Variants in ARHGAP10 observed in about 807,000 individuals in gnomAD.
ARHGAP10 encodes the protein Rho GTPase activating protein 10, also known as rho GTPase-activating protein 10.
In ARHGAP10, 87 loss-of-function variants were observed where a neutral mutation model predicts 108.6. The ratio of observed to expected loss-of-function variants is 0.80; its 90% CI spans 0.67 to 0.96. ARHGAP10 has a LOEUF of 0.96. Ranked by LOEUF, ARHGAP10 falls within the 40% of genes least tolerant of loss-of-function variation. The pLI is 0.00. For synonymous variants in ARHGAP10, 347 were observed against 341.1 expected (o/e 1.02, Z -0.19); for missense variants, 939 against 954.5 (o/e 0.98, Z 0.21).
intron 1 of ARHGAP10, among the ~76,000 whole-genome samples, chr4:147,814,140 C>G (rs1040430664): frequency 6.6e-6 from 1 of 152,202 alleles, no homozygotes; most frequent in Non-Finnish European, 1.5e-5. Flanking sequence ...GCCTCACCCT[C>G]TTTGTATTCG....
At chr4:147,840,544 C>T (rs1288795781) in intron 3 of ARHGAP10, among the ~76,000 whole-genome samples, 1 of 152,146 alleles carries the variant, frequency 6.6e-6, no homozygotes, top group Non-Finnish European at 1.5e-5. Flanking sequence ...GGGATGCAGT[C>T]GAGTGCTTAC....
chr4:148,029,361 C>T lies in ARHGAP10; in HGVS notation c.1867+5948C>T, dbSNP rs1016619516. On this transcript the variant is annotated intron_variant, in intron 19 of 22. Coordinates refer to ENST00000336498, the MANE Select transcript of ARHGAP10 (RefSeq NM_024605.4). ...AGCTCACATTCACGGCAGCGGTGCA[C>T]TCTGTAATCTCAGCTCCCAAGAGAG... is the stretch of plus-strand genomic sequence containing the variant. Among the ~76,000 whole-genome samples, 3 of 152,192 alleles carry T rather than the reference C, an allele frequency of 2.0e-5. No homozygotes were observed. The East Asian group carries it at 5.8e-4, about 29-fold the overall frequency.
intron 13 of ARHGAP10, among the ~76,000 whole-genome samples, chr4:147,930,461 C>T (rs1737633606): frequency 6.6e-6 from 1 of 152,136 alleles, no homozygotes; most frequent in African/African-American, 2.4e-5. Flanking sequence ...AAAACTGCCC[C>T]TGAAGCTGAA....
At chr4:148,028,114 G>C (rs933385689) in intron 19 of ARHGAP10, among the ~76,000 whole-genome samples, 7 of 152,198 alleles carry the variant, frequency 4.6e-5, no homozygotes, top group Non-Finnish European at 7.3e-5. Context: ...CTCTGAGGAA[G>C]GGAAGTCTGT....
At chr4:147,944,185 G>T (rs958945466) in intron 14 of ARHGAP10, among the ~76,000 whole-genome samples, 3 of 152,188 alleles carry the variant, frequency 2.0e-5, no homozygotes, top group South Asian at 2.1e-4. Flanking sequence ...CTTTAGAACA[G>T]AATTATTTAG....
rs28720862 is a variant in ARHGAP10, at chr4:147,991,999, C to G, written c.1716+25160C>G. On this transcript the variant is annotated intron_variant, in intron 18 of 22. Transcript: ENST00000336498. ...CATTCAAAAAGTGCAGGATTAACTT[C>G]AGTGTGGAGCCTGGGAATCCAGAAG... is the stretch of plus-strand genomic sequence containing the variant. Among the ~76,000 whole-genome samples the G allele has an allele frequency of 6.9e-3, 1,045 of 152,324 alleles. 13 individuals carry two copies. The highest frequency in any genetic ancestry group is 0.024 in the African/African-American group (989 of 41,572).
chr4:147,953,199 C>T (rs1159310461), intron 15 of ARHGAP10, among the ~76,000 whole-genome samples: 5 of 151,844 alleles, frequency 3.3e-5, no homozygotes, highest in African/African-American at 4.8e-5. Context: ...CATCTATGTT[C>T]ATGAGTGATA....
chr4:147,925,707 A>G (rs973058758), intron 13 of ARHGAP10, among the ~76,000 whole-genome samples: 1 of 152,212 alleles, frequency 6.6e-6, no homozygotes, highest in African/African-American at 2.4e-5. Flanking sequence ...CATGTTAACC[A>G]GTTATCCTGC....
chr4:147,880,716 TA>T (rs1474686832), intron 9 of ARHGAP10, among the ~76,000 whole-genome samples: 1 of 152,208 alleles, frequency 6.6e-6, no homozygotes. Flanking sequence ...TAAGTAAAGA[TA>T]AATTCAGGGT....
intron 1 of ARHGAP10, among the ~76,000 whole-genome samples, chr4:147,744,825 T>C (rs1728841098): frequency 6.6e-6 from 1 of 151,982 alleles, no homozygotes; most frequent in Non-Finnish European, 1.5e-5. Context: ...TATGGGTGTG[T>C]ATTTCAGGAA....
chr4:147,913,804 T>A (rs954928913), intron 13 of ARHGAP10, among the ~76,000 whole-genome samples: 1 of 152,126 alleles, frequency 6.6e-6, no homozygotes, highest in Admixed American at 6.5e-5. Context: ...TCACTTTTGG[T>A]TGAAGCACTC....
chr4:148,040,459 A>C (rs1728583105), intron 19 of ARHGAP10, among the ~76,000 whole-genome samples: 1 of 152,048 alleles, frequency 6.6e-6, no homozygotes, highest in Non-Finnish European at 1.5e-5. Flanking sequence ...CTCCTGCCTC[A>C]ACCTCCTGAG....
chr4:147,776,326 TCTC>T (rs1351447425), intron 1 of ARHGAP10, among the ~76,000 whole-genome samples: 1 of 152,092 alleles, frequency 6.6e-6, no homozygotes, highest in Non-Finnish European at 1.5e-5. Context: ...TTCAAGCAAT[TCTC>T]CTGCCTCAGA....
chr4:147,968,130 T>G (rs895868464), intron 18 of ARHGAP10, among the ~76,000 whole-genome samples: 3 of 152,194 alleles, frequency 2.0e-5, no homozygotes, highest in African/African-American at 4.8e-5. Flanking sequence ...CTATTCAGTT[T>G]AGCTGGGCTT....
intron 1 of ARHGAP10, among the ~76,000 whole-genome samples, chr4:147,775,289 C>T (rs1172208590): frequency 1.3e-5 from 2 of 152,192 alleles, no homozygotes; most frequent in Non-Finnish European, 2.9e-5. Context: ...CCTGGCCAGT[C>T]CCCAGCCTTT....
At chr4:147,959,040 T>TCA (rs1230662601) in intron 16 of ARHGAP10, among the ~76,000 whole-genome samples, 2 of 152,150 alleles carry the variant, frequency 1.3e-5, no homozygotes, top group East Asian at 3.8e-4. Flanking sequence ...TCATTCTTTG[T>TCA]CAATCAGTAG....
intron 18 of ARHGAP10, among the ~76,000 whole-genome samples, chr4:148,022,292 C>T (rs2149662969): frequency 6.6e-6 from 1 of 152,314 alleles, no homozygotes; most frequent in East Asian, 1.9e-4. Flanking sequence ...GCCCCACATA[C>T]ATTAGGTATT....
At chr4:147,946,314 A>G (rs1247653806) in intron 14 of ARHGAP10, 1 of 279,852 alleles carries the variant, frequency 3.6e-6, no homozygotes, top group Admixed American at 5.1e-5. Context: ...TGATGATGAT[A>G]ATAGCTATAC....
chr4:147,964,911 A>G, intron 16 of ARHGAP10, 113 bp from the exon 17 acceptor site: 1 of 675,624 alleles, frequency 1.5e-6, no homozygotes, highest in Non-Finnish European at 2.3e-6. Flanking sequence ...GATAATCTTG[A>G]ACAGAGGAGC....
Sources: allele counts gnomAD v4.1 joint callset (sites outside exome capture counted in the v4.1 genomes callset), GRCh38; gene constraint gnomAD v4.1.1; transcripts MANE v1.5; gene names NCBI Gene and HGNC (gene_info 2026-07-23, HGNC 2026-07-21).